The following TNS1 variants were observed in gnomAD, a reference collection of about 807,000 sequenced individuals.
TNS1 encodes tensin 1, also known as tensin-1.
A neutral mutation model predicts 168.6 loss-of-function variants in TNS1; 62 were observed. The observed-to-expected ratio is 0.37, with a 90% CI of 0.30 to 0.45. The LOEUF (loss-of-function observed/expected upper bound fraction) is 0.45. TNS1 is among the 20% of genes least tolerant of loss of function. TNS1 has a pLI of 1.00. For missense variants in TNS1, 2,240 were observed against 2,339.4 expected (o/e 0.96, Z 0.88); for synonymous variants, 934 against 933.2 (o/e 1.00, Z -0.02).
At chr2:217,866,380 C>T (rs1391534389) in intron 18 of TNS1, among the ~76,000 whole-genome samples, 9 of 152,184 alleles carry the variant, frequency 5.9e-5, no homozygotes, top group Non-Finnish European at 2.9e-5. Flanking sequence ...GATCCCAGAG[C>T]CCCTGGACTT....
intron 1 of TNS1, among the ~76,000 whole-genome samples, chr2:218,019,851 C>A (rs1958792257): frequency 6.6e-6 from 1 of 152,104 alleles, no homozygotes; most frequent in Admixed American, 6.5e-5. Flanking sequence ...TGGCTTCAAA[C>A]CTCACTATCC....
intron 3 of TNS1, among the ~76,000 whole-genome samples, chr2:217,937,999 AG>A (rs1241942564): frequency 2.0e-5 from 3 of 152,150 alleles, no homozygotes; most frequent in African/African-American, 7.2e-5. Context: ...GGTCTGGTCA[AG>A]GTCAAGGGGT....
chr2:217,811,746 C>T (rs1206272786), intron 28 of TNS1, among the ~76,000 whole-genome samples: 2 of 152,152 alleles, frequency 1.3e-5, no homozygotes, highest in Non-Finnish European at 2.9e-5. Flanking sequence ...ATGAGAGAAG[C>T]TAAACACTCC....
intron 18 of TNS1, among the ~76,000 whole-genome samples, chr2:217,865,093 G>A (rs1416226448): frequency 1.3e-5 from 2 of 152,012 alleles, no homozygotes; most frequent in African/African-American, 4.8e-5. Flanking sequence ...AGAGGTGGTT[G>A]TGAGCAGAGG....
intron 3 of TNS1, among the ~76,000 whole-genome samples, chr2:217,929,420 C>T (rs1232674996): frequency 6.6e-6 from 1 of 152,134 alleles, no homozygotes; most frequent in Non-Finnish European, 1.5e-5. Context: ...GCACTGAGTA[C>T]CTATGGAGTG....
chr2:218,030,514 C>T (rs1465183524), intron 1 of TNS1, among the ~76,000 whole-genome samples: 1 of 152,246 alleles, frequency 6.6e-6, no homozygotes, highest in Non-Finnish European at 1.5e-5. Flanking sequence ...TATCCCCAGC[C>T]CCAAGCTCCA....
chr2:217,873,720 C>G (rs925285876), intron 18 of TNS1, among the ~76,000 whole-genome samples: 6 of 152,136 alleles, frequency 3.9e-5, no homozygotes, highest in Non-Finnish European at 8.8e-5. Flanking sequence ...CCAAAGGGAA[C>G]AGCGAATGAA....
At chr2:218,009,185 G>A (rs983535187) in intron 1 of TNS1, among the ~76,000 whole-genome samples, 6 of 152,184 alleles carry the variant, frequency 3.9e-5, no homozygotes, top group Admixed American at 3.3e-4. Context: ...AGAGTGGGTC[G>A]GAAAGCCAGG....
chr2:217,829,690 C>T (rs562025744), intron 22 of TNS1, among the ~76,000 whole-genome samples: 4 of 152,310 alleles, frequency 2.6e-5, no homozygotes, highest in Admixed American at 2.0e-4. Context: ...GGTGGTATCT[C>T]ATCACCAAGC....
At chr2:218,004,283 A>G (rs1287000725), upstream of TNS1, among the ~76,000 whole-genome samples, 1 of 152,230 alleles carries the variant, frequency 6.6e-6, no homozygotes. Flanking sequence ...ACTTAGCAAG[A>G]AAAGTTCTCT....
intron 28 of TNS1, among the ~76,000 whole-genome samples, chr2:217,811,746 C>A (rs1206272786): frequency 6.6e-6 from 1 of 152,152 alleles, no homozygotes; most frequent in Non-Finnish European, 1.5e-5. Context: ...ATGAGAGAAG[C>A]TAAACACTCC....
chr2:217,848,620 G>C lies in TNS1; in HGVS notation c.1897C>G (p.Gln633Glu). Residue 633 changes from glutamine to glutamate, a missense_variant, in exon 19 of 33, where the codon CAG becomes GAG. By Grantham distance (29) the Gln-to-Glu change is conservative (BLOSUM62 2). Transcript: ENST00000682258. ...ATGCTGCCCGCACTGTGACCATCCT[G>C]GTTTGGCAATTCATCGTCCAGGATG... Reference protein sequence around the residue: ...TDILDDELPNQDGHSAGSMGT... With the variant: ...TDILDDELPNEDGHSAGSMGT... The C allele has an allele frequency of 6.2e-7, 1 of 1,614,206 alleles. No individual in the cohort carries two copies. The highest frequency in any genetic ancestry group is 8.5e-7 in the Non-Finnish European group (1 of 1,180,030).
intron 19 of TNS1, among the ~76,000 whole-genome samples, chr2:217,844,863 C>T (rs1946431940): frequency 6.6e-6 from 1 of 152,204 alleles, no homozygotes; most frequent in African/African-American, 2.4e-5. Flanking sequence ...CATAAGATAA[C>T]TCAGTTGGAC....
chr2:217,922,588 AG>A (rs1488286648), intron 3 of TNS1, among the ~76,000 whole-genome samples: 1 of 152,072 alleles, frequency 6.6e-6, no homozygotes, highest in African/African-American at 2.4e-5. Flanking sequence ...AAAGGGAGGG[AG>A]GGGGTTATGG....
At chr2:217,987,521 G>A (rs1008716388) in intron 2 of TNS1, among the ~76,000 whole-genome samples, 52 of 152,110 alleles carry the variant, frequency 3.4e-4, no homozygotes, top group African/African-American at 1.1e-3. Context: ...ACGGAAGGGC[G>A]GCCCAAGCTA....
At chr2:218,022,751 A>AATTT (rs1352599385) in intron 1 of TNS1, among the ~76,000 whole-genome samples, 2 of 138,832 alleles carry the variant, frequency 1.4e-5, no homozygotes, top group East Asian at 4.6e-4. Flanking sequence ...GAGGCAGCTA[A>AATTT]AGGGCTTAGG....
intron 3 of TNS1, among the ~76,000 whole-genome samples, chr2:217,938,211 G>A (rs896139111): frequency 6.6e-5 from 10 of 152,210 alleles, no homozygotes; most frequent in Admixed American, 3.3e-4. Flanking sequence ...CCAGGGGTCC[G>A]GAAATGGAGT....
At chr2:217,806,391 C>T (rs991058765) in intron 32 of TNS1, among the ~76,000 whole-genome samples, 1 of 152,206 alleles carries the variant, frequency 6.6e-6, no homozygotes, top group Non-Finnish European at 1.5e-5. Flanking sequence ...CCTGTTAGCC[C>T]ACTGCCCTGC....
chr2:217,804,363 A>G lies in TNS1; in HGVS notation c.*96T>C. 6.6e-7 allele frequency: 1 copy of G among 1,517,162 alleles called. No individual in the cohort carries two copies. Among genetic ancestry groups the G allele is most frequent in the African/African-American group, 1.4e-5 (1 of 71,396 alleles). 94.0% of individuals were successfully genotyped at this position (1,517,162 alleles called of 1,614,324 possible). A position where few individuals can be genotyped will look rare whatever the true frequency, so the allele number is the denominator to read the frequency against. On this transcript the variant is annotated 3_prime_UTR_variant, in exon 33 of 33. Transcript: ENST00000682258. ...TCTTCTCTCCTCCGAAATTGGCCCA[A>G]AGTCCTCCTTCTGGGTTCAAGAGTG...
Sources: gnomAD v4.1 joint callset for allele counts (sites outside exome capture counted in the v4.1 genomes callset) on GRCh38, gnomAD v4.1.1 for gene constraint, MANE v1.5 for transcripts, NCBI Gene and HGNC (gene_info 2026-07-23, HGNC 2026-07-21) for gene names.